Variants in EFNA5 observed in about 807,000 individuals in gnomAD.
The protein encoded by EFNA5 is ephrin-A5.
A neutral mutation model predicts 22.9 loss-of-function variants in EFNA5; 5 were observed. That is an observed-to-expected ratio of 0.22 (90% CI 0.11 to 0.46). The LOEUF is 0.46. EFNA5 is among the 20% of genes least tolerant of loss of function. The pLI is 0.99. For synonymous variants in EFNA5, 113 were observed against 112.2 expected (o/e 1.01, Z -0.04); for missense variants, 237 against 293.3 (o/e 0.81, Z 1.40).
intron 1 of EFNA5, among the ~76,000 whole-genome samples, chr5:107,477,950 T>C (rs551609961): frequency 5.3e-5 from 8 of 152,186 alleles, no homozygotes; most frequent in Non-Finnish European, 1.0e-4. Context: ...AGAGGTAGCA[T>C]AACTGATTGG....
chr5:107,427,204 T>G lies in EFNA5; in HGVS notation c.418+13A>C. The G allele has an allele frequency of 6.2e-7, 1 of 1,613,944 alleles. No homozygotes were observed. Among genetic ancestry groups the G allele is most frequent in the Non-Finnish European group, 8.5e-7 (1 of 1,179,946 alleles). ...CAGCTGCCCTACAACACGATAAATC[T>G]CTATATACTCACAGATGTAGAAATA... On this transcript the variant is annotated intron_variant, in intron 2 of 4. Coordinates refer to ENST00000333274, the MANE Select transcript of EFNA5 (RefSeq NM_001962.3).
At chr5:107,574,859 G>A (rs1276354434) in intron 1 of EFNA5, among the ~76,000 whole-genome samples, 1 of 152,178 alleles carries the variant, frequency 6.6e-6, no homozygotes, top group Non-Finnish European at 1.5e-5. Context: ...TAAGATAAGG[G>A]AGATAAAAAC....
intron 1 of EFNA5, among the ~76,000 whole-genome samples, chr5:107,519,422 A>G (rs1747550185): frequency 6.6e-6 from 1 of 152,244 alleles, no homozygotes; most frequent in Non-Finnish European, 1.5e-5. Flanking sequence ...TGTCTTGACA[A>G]GGTCACACCA....
intron 1 of EFNA5, among the ~76,000 whole-genome samples, chr5:107,566,946 G>A (rs1182997300): frequency 6.6e-6 from 1 of 152,168 alleles, no homozygotes; most frequent in African/African-American, 2.4e-5. Flanking sequence ...AAAATTTAGT[G>A]TCTAGCATAA....
At chr5:107,643,464 C>G (rs1750567426) in intron 1 of EFNA5, among the ~76,000 whole-genome samples, 1 of 152,164 alleles carries the variant, frequency 6.6e-6, no homozygotes, top group South Asian at 2.1e-4. Context: ...CTTCAGTGAT[C>G]TGCCATCTGC....
At chr5:107,620,628 C>A (rs1191815225) in intron 1 of EFNA5, among the ~76,000 whole-genome samples, 1 of 152,116 alleles carries the variant, frequency 6.6e-6, no homozygotes, top group Non-Finnish European at 1.5e-5. Context: ...TCAATGTATT[C>A]CAAGAGTTAA....
chr5:107,387,649 A>T, intron 3 of EFNA5, 57 bp downstream of exon 3: 2 of 1,318,644 alleles, frequency 1.5e-6, no homozygotes, highest in Non-Finnish European at 2.2e-6. Flanking sequence ...GAACCAGACC[A>T]CACAATAAAG....
chr5:107,540,695 ATATACT>A (rs1748024237), intron 1 of EFNA5, among the ~76,000 whole-genome samples: 1 of 152,236 alleles, frequency 6.6e-6, no homozygotes, highest in South Asian at 2.1e-4. Flanking sequence ...GCATTATTCA[ATATACT>A]TATACTTTAA....
At chr5:107,557,680 A>G (rs964031563) in intron 1 of EFNA5, among the ~76,000 whole-genome samples, 11 of 152,200 alleles carry the variant, frequency 7.2e-5, no homozygotes, top group African/African-American at 2.7e-4. Context: ...AGAGGCTCTA[A>G]TATCAGAGAT....
chr5:107,650,906 A>C (rs1750715444), intron 1 of EFNA5, among the ~76,000 whole-genome samples: 3 of 152,246 alleles, frequency 2.0e-5, no homozygotes, highest in Admixed American at 2.0e-4. Context: ...CCAAAGAACC[A>C]GTCCACGAAA....
chr5:107,587,566 G>T (rs539591003), intron 1 of EFNA5, among the ~76,000 whole-genome samples: 22 of 152,242 alleles, frequency 1.4e-4, no homozygotes, highest in Middle Eastern at 3.4e-3. Flanking sequence ...GCCCAGGCTG[G>T]AGTACAGTGG....
intron 1 of EFNA5, among the ~76,000 whole-genome samples, chr5:107,569,429 G>GTGTA (rs1748731177): frequency 6.7e-5 from 9 of 134,354 alleles, no homozygotes; most frequent in African/African-American, 2.7e-4. Context: ...GTATATGTGT[G>GTGTA]TATATATATA....
At chr5:107,590,944 A>C (rs1387029135) in intron 1 of EFNA5, among the ~76,000 whole-genome samples, 1 of 152,198 alleles carries the variant, frequency 6.6e-6, no homozygotes, top group African/African-American at 2.4e-5. Context: ...AAAAATTTTA[A>C]CAGTTGTGTG....
intron 4 of EFNA5, among the ~76,000 whole-genome samples, chr5:107,384,486 T>C (rs1433638818): frequency 6.6e-6 from 1 of 152,190 alleles, no homozygotes; most frequent in Non-Finnish European, 1.5e-5. Flanking sequence ...GCTGAGATCA[T>C]GCAGTGGAAT....
chr5:107,417,176 T>C lies in EFNA5; in HGVS notation c.418+10041A>G, dbSNP rs377637590. Among the ~76,000 whole-genome samples the C allele has an allele frequency of 2.2e-4, 34 of 152,282 alleles. No homozygotes were observed. In the East Asian group the frequency reaches 2.3e-3, roughly 10 times the overall value. ...GGGAATGTTAACCAAAAACTAAAAC[T>C]TAGCTAACATTAATGTAGATAAAGC... On this transcript the variant is annotated intron_variant, in intron 2 of 4. Transcript: ENST00000333274.
chr5:107,600,316 T>C (rs1031002163), intron 1 of EFNA5, among the ~76,000 whole-genome samples: 1 of 152,126 alleles, frequency 6.6e-6, no homozygotes, highest in African/African-American at 2.4e-5. Context: ...GAAATGAATA[T>C]AAATTACTCT....
chr5:107,460,964 G>A (rs1471822213), intron 1 of EFNA5, among the ~76,000 whole-genome samples: 1 of 152,136 alleles, frequency 6.6e-6, no homozygotes, highest in Non-Finnish European at 1.5e-5. Flanking sequence ...ATGCAAATAC[G>A]GTGGGTGTAG....
At chr5:107,501,055 G>A (rs1238660874) in intron 1 of EFNA5, among the ~76,000 whole-genome samples, 2 of 152,062 alleles carry the variant, frequency 1.3e-5, no homozygotes, top group Non-Finnish European at 2.9e-5. Flanking sequence ...TCCTGTTTTA[G>A]AGCATGCATC....
intron 2 of EFNA5, among the ~76,000 whole-genome samples, chr5:107,414,545 A>C (rs1207420036): frequency 6.6e-6 from 1 of 152,132 alleles, no homozygotes; most frequent in Non-Finnish European, 1.5e-5. Flanking sequence ...GACTAATGAG[A>C]AAATAATATG....
Sources: allele counts gnomAD v4.1 joint callset (sites outside exome capture counted in the v4.1 genomes callset), GRCh38; gene constraint gnomAD v4.1.1; transcripts MANE v1.5; gene names NCBI Gene and HGNC (gene_info 2026-07-23, HGNC 2026-07-21).